OVCH1: variants seen among roughly 807,000 people sequenced by gnomAD.
OVCH1 encodes the protein ovochymase-1.
A neutral mutation model predicts 138.4 loss-of-function variants in OVCH1; 139 were observed. That is an observed-to-expected ratio of 1.00 (90% CI 0.87 to 1.16). The LOEUF (loss-of-function observed/expected upper bound fraction) is 1.16. Among genes scored for constraint, OVCH1 ranks in the 50% most tolerant of loss-of-function variants. The pLI is 0.00. For missense variants in OVCH1, 1,367 were observed against 1,357.9 expected, an observed-to-expected ratio of 1.01 and a Z score of -0.11; for synonymous variants, 453 against 467.8, an observed-to-expected ratio of 0.97 and a Z score of 0.41.
intron 16 of OVCH1, among the ~76,000 whole-genome samples, chr12:29,471,384 T>C (rs559181859): frequency 1.3e-5 from 2 of 152,246 alleles, no homozygotes; most frequent in African/African-American, 2.4e-5. Context: ...TAAACCAATC[T>C]GGTGGAAGGT....
downstream of OVCH1, among the ~76,000 whole-genome samples, chr12:29,424,071 A>G (rs1374025809): frequency 1.3e-5 from 2 of 152,242 alleles, no homozygotes; most frequent in Non-Finnish European, 2.9e-5. Flanking sequence ...CAGGGGTCTC[A>G]CAGCCTTCAG....
At chr12:29,473,208 A>G (rs1942577052) in intron 14 of OVCH1, 105 bp from the exon 15 acceptor site, 1 of 723,546 alleles carries the variant, frequency 1.4e-6, no homozygotes, top group African/African-American at 1.8e-5. Context: ...TGTAGATCTC[A>G]CTAACACTAC....
intron 12 of OVCH1, 42 bp downstream of exon 12, chr12:29,477,060 A>G: frequency 6.6e-7 from 1 of 1,521,936 alleles, no homozygotes; most frequent in Non-Finnish European, 8.8e-7. Flanking sequence ...AACTAACGTA[A>G]CTCTATTCTT....
intron 5 of OVCH1, among the ~76,000 whole-genome samples, chr12:29,490,633 T>C (rs1943248239): frequency 6.6e-6 from 1 of 152,232 alleles, no homozygotes; most frequent in African/African-American, 2.4e-5. Flanking sequence ...ATAGTTCCCA[T>C]GCAGTATATT....
intron 9 of OVCH1, 117 bp downstream of exon 10, chr12:29,478,714 GAATA>G: frequency 1.9e-6 from 1 of 527,396 alleles, no homozygotes; most frequent in Non-Finnish European, 3.0e-6. Context: ...GAAAGTAAAG[GAATA>G]AATAATGGCT....
chr12:29,437,892 C>CTAAG (rs1383267074), intron 26 of OVCH1, among the ~76,000 whole-genome samples: 1 of 152,136 alleles, frequency 6.6e-6, no homozygotes, highest in African/African-American at 2.4e-5. Context: ...TTAATCAAGA[C>CTAAG]TAAGTCAAAG....
chr12:29,421,105 G>A (rs1181857754), intron 3 of OVCH1, among the ~76,000 whole-genome samples: 1 of 152,204 alleles, frequency 6.6e-6, no homozygotes, highest in African/African-American at 2.4e-5. Context: ...CTATAATAAT[G>A]TTGTCTGGGT....
intron 3 of OVCH1, among the ~76,000 whole-genome samples, chr12:29,418,784 G>T (rs370573278): frequency 9.9e-5 from 15 of 152,188 alleles, no homozygotes; most frequent in East Asian, 5.8e-4. Flanking sequence ...AGGGAGTGAG[G>T]AAATAGACAT....
chr12:29,496,191 T>C, exon 3 of OVCH1: 2 of 1,606,218 alleles, frequency 1.2e-6, no homozygotes, highest in Non-Finnish European at 1.7e-6. Context: ...TCACTGAGGC[T>C]GTCCAGGCAG....
rs1385956684 is a variant in OVCH1 at position 29,455,301 on chromosome 12, A to T, written c.2385T>A (p.Gly795=). The stretch of plus-strand genomic sequence containing the variant: ...AGAAGATCATCACTCTGGCAAATAC[A>T]CCCGGCTTCCATGGCTGGACACAGC... Residue 795 remains glycine (G), a synonymous_variant, in exon 20 of 28, where the codon GGT becomes GGA. Transcript: ENST00000318184. 2.5e-6 allele frequency: 4 copies of T among 1,613,734 alleles called. No individual in the cohort carries two copies. In the Admixed American group the frequency reaches 6.7e-5, roughly 27 times the overall value.
intron 14 of OVCH1, among the ~76,000 whole-genome samples, chr12:29,474,202 A>G (rs771501739): frequency 6.6e-6 from 1 of 152,096 alleles, no homozygotes; most frequent in African/African-American, 2.4e-5. Context: ...TAATAAAACA[A>G]TACGTATAGA....
In OVCH1 at chr12:29,440,616, T is replaced by C. The variant is rs555560086; in HGVS notation, c.3158-1182A>G. The C allele has an allele frequency of 2.8e-4, 116 of 415,734 alleles. 2 individuals carry two copies. Among genetic ancestry groups the C allele is most frequent in the African/African-American group, 2.0e-3 (98 of 48,330 alleles). 25.8% of individuals were successfully genotyped at this position (415,734 alleles called of 1,614,324 possible). On this transcript the variant is annotated intron_variant, in intron 25 of 27. Transcript: ENST00000318184. ...AGGCAGTGCATGGTAACAGGTGTTC[T>C]GTAGGGCAAGAAAGATAGAAGTATA...
chr12:29,409,059 T>G (rs1351399100), downstream of OVCH1, among the ~76,000 whole-genome samples: 2 of 152,294 alleles, frequency 1.3e-5, no homozygotes, highest in East Asian at 3.9e-4. Context: ...GTCGAGGAAT[T>G]TATCCATTTC....
At chr12:29,430,884 A>T (rs1348681002) in intron 27 of OVCH1, 3 of 518,502 alleles carry the variant, frequency 5.8e-6, no homozygotes, top group South Asian at 4.2e-5. Flanking sequence ...TTCCTTCTCC[A>T]TGTGGCCTTT....
intron 24 of OVCH1, among the ~76,000 whole-genome samples, chr12:29,443,729 C>T (rs1021007109): frequency 6.6e-6 from 1 of 152,030 alleles, no homozygotes; most frequent in Non-Finnish European, 1.5e-5. Context: ...TTATGAATGG[C>T]TGACCAATTG....
At chr12:29,462,164 G>A (rs1264020403) in intron 18 of OVCH1, among the ~76,000 whole-genome samples, 156 bp from the exon 19 acceptor site, 2 of 152,202 alleles carry the variant, frequency 1.3e-5, no homozygotes, top group African/African-American at 4.8e-5. Flanking sequence ...AAAAATACAA[G>A]TGTTTCATGT....
At chr12:29,460,068 A>G (rs1017192770) in intron 19 of OVCH1, among the ~76,000 whole-genome samples, 16 of 152,192 alleles carry the variant, frequency 1.1e-4, no homozygotes, top group Non-Finnish European at 2.1e-4. Context: ...CATATTTATT[A>G]AAATCTCAAC....
chr12:29,466,259 CA>C (rs1010161073), intron 16 of OVCH1, among the ~76,000 whole-genome samples: 4 of 150,582 alleles, frequency 2.7e-5, no homozygotes, highest in Non-Finnish European at 5.9e-5. Flanking sequence ...AAAATATATA[CA>C]AAAAAATCAT....
At chr12:29,421,162 G>A (rs1941098695) in intron 3 of OVCH1, among the ~76,000 whole-genome samples, 1 of 152,188 alleles carries the variant, frequency 6.6e-6, no homozygotes, top group Non-Finnish European at 1.5e-5. Context: ...ATGCAGCACA[G>A]CTACCAACCA....
Sources: allele counts gnomAD v4.1 joint callset (sites outside exome capture counted in the v4.1 genomes callset), GRCh38; gene constraint gnomAD v4.1.1; transcripts MANE v1.5; gene names NCBI Gene and HGNC (gene_info 2026-07-23, HGNC 2026-07-21).